ARID1B: variants seen among roughly 807,000 people sequenced by gnomAD.
ARID1B encodes AT-rich interaction domain 1B.
In ARID1B, 30 loss-of-function variants were observed where a neutral mutation model predicts 212.3. That is an observed-to-expected ratio of 0.14 (90% confidence interval 0.11 to 0.19). The LOEUF (loss-of-function observed/expected upper bound fraction) is 0.19. Among genes scored for constraint, ARID1B ranks in the 10% least tolerant of loss-of-function variants. ARID1B has a pLI of 1.00. For synonymous variants in ARID1B, 1,402 were observed against 1,301.7 expected, an observed-to-expected ratio of 1.08 and a Z score of -1.66; for missense variants, 2,891 against 3,204.0, an observed-to-expected ratio of 0.90 and a Z score of 2.36.
At chr6:156,959,351 T>C (rs1030704860) in intron 4 of ARID1B, among the ~76,000 whole-genome samples, 7 of 152,234 alleles carry the variant, frequency 4.6e-5, no homozygotes, top group African/African-American at 1.4e-4. Flanking sequence ...TTACTTATAA[T>C]AACTAATACA....
intron 5 of ARID1B, among the ~76,000 whole-genome samples, chr6:157,093,955 C>T (rs922467475): frequency 2.0e-5 from 3 of 152,190 alleles, no homozygotes. Context: ...GCAAAGGGTC[C>T]TGTCCTCGTG....
chr6:156,977,611 C>T (rs1323954204), intron 4 of ARID1B, among the ~76,000 whole-genome samples: 1 of 152,100 alleles, frequency 6.6e-6, no homozygotes, highest in African/African-American at 2.4e-5. Context: ...TGTTGACTTT[C>T]AGTTCCATTG....
At chr6:156,779,689 G>T (rs1203383644) in intron 1 of ARID1B, 1 of 224,766 alleles carries the variant, frequency 4.4e-6, no homozygotes, top group Non-Finnish European at 7.7e-6. Flanking sequence ...CGCCGGGCCG[G>T]GCCGGGCCGG....
At chr6:157,116,276 T>C (rs1287288362) in intron 6 of ARID1B, among the ~76,000 whole-genome samples, 2 of 152,022 alleles carry the variant, frequency 1.3e-5, no homozygotes, top group Non-Finnish European at 2.9e-5. Flanking sequence ...GATTAGCAAT[T>C]AGGTGAAAAT....
At chr6:157,144,575 C>G (rs2128619498) in intron 7 of ARID1B, among the ~76,000 whole-genome samples, 1 of 152,258 alleles carries the variant, frequency 6.6e-6, no homozygotes, top group Middle Eastern at 3.4e-3. Flanking sequence ...ATCAGATCAT[C>G]TGGAAGCGAA....
In ARID1B at chr6:157,084,604, T is replaced by G. The variant is rs182191521; in HGVS notation, c.2248-58T>G. Reference sequence around the variant, plus strand: ...CGTCATTATGATTTTCAAGTCGTCTTTTGATGAGATATTCATCCAAACGTG... The same window carrying G: ...CGTCATTATGATTTTCAAGTCGTCTGTTGATGAGATATTCATCCAAACGTG... On this transcript the variant is annotated intron_variant, in intron 4 of 19. Coordinates refer to ENST00000636930, the MANE Select transcript of ARID1B (RefSeq NM_001374828.1). 3,536 of 1,569,932 alleles carry G rather than the reference T, an allele frequency of 2.3e-3. 17 individuals carry two copies. Among genetic ancestry groups the G allele is most frequent in the South Asian group, 9.2e-3 (780 of 85,188 alleles).
At chr6:157,096,843 C>T (rs1404156209) in intron 5 of ARID1B, among the ~76,000 whole-genome samples, 2 of 152,352 alleles carry the variant, frequency 1.3e-5, no homozygotes, top group East Asian at 3.9e-4. Flanking sequence ...TTTCATTGTG[C>T]AACTCTATAT....
Position 157,207,253 on chromosome 6 carries a change from T to G in ARID1B, c.6481T>G (p.Ser2161Ala). The change falls in exon 20 of 20, where the codon TCT (serine) becomes GCT (alanine). Residue 2161 changes from serine (S) to alanine (A), a missense_variant. Ser to Ala is a moderately conservative substitution (Grantham distance 99). Around this residue, in one of 7 missense-constraint regions of ARID1B, gnomAD observed 187 missense variants for 306.5 expected, o/e 0.61. Transcript: ENST00000636930. The surrounding 1 kb of genome is among the most constrained non-coding windows in gnomAD (Gnocchi z 8.5). ...LANISGQLDLSAYTESICLPI... is the reference protein window; with the variant it reads ...LANISGQLDLAAYTESICLPI... ...CAACATTTCCGGGCAGCTAGACTTG[T>G]CTGCTTACACGGAAAGCATCTGCTT... The G allele has an allele frequency of 6.2e-7, 1 of 1,614,204 alleles. No homozygotes were observed. The highest frequency in any genetic ancestry group is 8.5e-7 in the Non-Finnish European group (1 of 1,180,022).
chr6:157,044,029 A>G (rs1339397904), intron 4 of ARID1B, among the ~76,000 whole-genome samples: 1 of 152,212 alleles, frequency 6.6e-6, no homozygotes, highest in Non-Finnish European at 1.5e-5. Flanking sequence ...GCTTCCACGG[A>G]TCTTACATTC....
At chr6:156,829,541 AT>A in intron 2 of ARID1B, 120 bp downstream of exon 2, 2 of 1,125,600 alleles carry the variant, frequency 1.8e-6, no homozygotes, top group Non-Finnish European at 2.4e-6. Flanking sequence ...TTCTGCTTTA[AT>A]TTTTATTGTT....
chr6:156,781,975 CTTTTTTT>C (rs57443841), intron 1 of ARID1B, among the ~76,000 whole-genome samples: 12 of 39,220 alleles, frequency 3.1e-4, no homozygotes, highest in African/African-American at 6.7e-4. Context: ...TGGGAATAGG[CTTTTTTT>C]TTTTTTTTTT....
rs200969500 is a variant in ARID1B, at chr6:156,932,439, ATTAT to A, written c.2137-3022_2137-3019del. Among the ~76,000 whole-genome samples the A allele has an allele frequency of 2.4e-3, 278 of 115,180 alleles. 7 individuals carry two copies. The East Asian group carries it at 0.067, about 28-fold the overall frequency. The allele number at this position is 115,180 out of a possible 152,430, so 75.6% of individuals were successfully genotyped here. A position where few individuals can be genotyped will look rare whatever the true frequency, so the allele number is the denominator to read the frequency against. ...GCATTCTATACAGCAGATAAATGTAATTATTTATATGTGTATATTGGTTTACACA... is the reference window on the plus strand; with the variant it reads ...GCATTCTATACAGCAGATAAATGTAATTATATGTGTATATTGGTTTACACA... On this transcript the variant is annotated intron_variant, in intron 3 of 19. Coordinates refer to ENST00000636930, the MANE Select transcript of ARID1B (RefSeq NM_001374828.1).
At chr6:157,160,060 G>A (rs1271142108) in intron 8 of ARID1B, among the ~76,000 whole-genome samples, 1 of 152,214 alleles carries the variant, frequency 6.6e-6, no homozygotes, top group Non-Finnish European at 1.5e-5. Flanking sequence ...TTGTCTGCTA[G>A]CACTGAATAC....
chr6:157,182,608 C>T (rs940247482), intron 12 of ARID1B, among the ~76,000 whole-genome samples: 4 of 152,096 alleles, frequency 2.6e-5, no homozygotes, highest in East Asian at 1.9e-4. Flanking sequence ...TGCTGCGTCT[C>T]GGGGGAGAAA....
At chr6:157,187,694 T>G (rs948864018) in intron 13 of ARID1B, among the ~76,000 whole-genome samples, 1 of 151,820 alleles carries the variant, frequency 6.6e-6, no homozygotes, top group Non-Finnish European at 1.5e-5. Flanking sequence ...CTAGAGAGCC[T>G]GCCAGCCTCC....
intron 4 of ARID1B, among the ~76,000 whole-genome samples, chr6:157,026,442 G>A (rs1780676116): frequency 6.6e-6 from 1 of 152,122 alleles, no homozygotes; most frequent in Admixed American, 6.5e-5. Flanking sequence ...TTGATATGAA[G>A]TAGTTTTATT....
chr6:156,789,455 ATGGGATTCTT>A (rs1228256169), intron 1 of ARID1B, among the ~76,000 whole-genome samples: 58 of 152,306 alleles, frequency 3.8e-4, no homozygotes, highest in Non-Finnish European at 1.0e-4. Context: ...ATGCTGGGTG[ATGGGATTCTT>A]TGGTGACCTC....
At chr6:157,096,006 C>T (rs796365933) in intron 5 of ARID1B, among the ~76,000 whole-genome samples, 21 of 152,294 alleles carry the variant, frequency 1.4e-4, no homozygotes, top group African/African-American at 4.6e-4. Context: ...CATGACTTTG[C>T]GTCAGATCTT....
intron 4 of ARID1B, among the ~76,000 whole-genome samples, chr6:156,973,581 G>A (rs775915451): frequency 7.9e-5 from 12 of 152,146 alleles, no homozygotes; most frequent in Non-Finnish European, 1.5e-4. Flanking sequence ...AAGCATCACA[G>A]AATTTCCATA....
Sources: allele counts gnomAD v4.1 joint callset (sites outside exome capture counted in the v4.1 genomes callset), GRCh38; gene constraint gnomAD v4.1.1; regional missense constraint gnomAD v4.1.1; non-coding constraint Gnocchi (gnomAD v3.1); transcripts MANE v1.5; gene names NCBI Gene and HGNC (gene_info 2026-07-23, HGNC 2026-07-21).